Variants in CTNNA2 observed in about 807,000 individuals in gnomAD.
The protein encoded by CTNNA2 is catenin alpha-2.
Under a neutral mutation model 101.0 loss-of-function variants are expected in CTNNA2, and 42 were observed. The ratio of observed to expected loss-of-function variants is 0.42; its 90% CI spans 0.32 to 0.54. The LOEUF (loss-of-function observed/expected upper bound fraction) is 0.54. Among genes scored for constraint, CTNNA2 ranks in the 20% least tolerant of loss-of-function variants. The pLI is 0.14. For missense variants in CTNNA2, 871 were observed against 1,223.1 expected (o/e 0.71, Z 4.29); for synonymous variants, 450 against 456.4 (o/e 0.99, Z 0.18).
rs1673733019 is a variant in CTNNA2 at position 80,274,393 on chromosome 2, A to T, written c.1057-118818A>T. ...CTGGAGCTCCCACGTTATTCCCAGGATCTGGGAAGACATTAAGATAATTAA... is the reference window on the plus strand; with the variant it reads ...CTGGAGCTCCCACGTTATTCCCAGGTTCTGGGAAGACATTAAGATAATTAA... On this transcript the variant is annotated intron_variant, in intron 7 of 18. Coordinates refer to ENST00000402739, the MANE Select transcript of CTNNA2 (RefSeq NM_001282597.3). 2.6e-5 allele frequency among the ~76,000 whole-genome samples: 4 copies of T among 152,150 alleles called. 1 individual carries two copies. In the South Asian group the frequency reaches 8.3e-4, roughly 31 times the overall value.
chr2:79,279,265 C>T (rs890767495), intron 2 of CTNNA2, among the ~76,000 whole-genome samples: 9 of 151,940 alleles, frequency 5.9e-5, no homozygotes, highest in African/African-American at 1.2e-4. Context: ...TGTGTGCCCT[C>T]GCATAGAAAA....
At chr2:80,043,692 TATG>T (rs1231933082) in intron 7 of CTNNA2, among the ~76,000 whole-genome samples, 1 of 152,228 alleles carries the variant, frequency 6.6e-6, no homozygotes, top group African/African-American at 2.4e-5. Context: ...GAGAATTGAA[TATG>T]ATGTCATACA....
In CTNNA2 at chr2:80,459,525, T is replaced by G. The variant is rs74338337; in HGVS notation, c.1290+39924T>G. 1.1e-4 allele frequency among the ~76,000 whole-genome samples: 16 copies of G among 152,186 alleles called. No homozygotes were observed. In the East Asian group the frequency reaches 1.2e-3, roughly 11 times the overall value. On this transcript the variant is annotated intron_variant, in intron 9 of 18. Transcript: ENST00000402739. ...TCTTAAGGTGATTGCACAGATAACA[T>G]GGGCCCAGGCAGAAGCCAGGGAAAA...
chr2:79,357,409 G>T (rs1354804635), intron 3 of CTNNA2, among the ~76,000 whole-genome samples: 3 of 152,108 alleles, frequency 2.0e-5, no homozygotes, highest in Non-Finnish European at 2.9e-5. Context: ...CTGGAAAATA[G>T]ATCAGTAGAA....
chr2:79,649,683 C>A (rs779623442), intron 1 of CTNNA2, among the ~76,000 whole-genome samples: 7 of 152,160 alleles, frequency 4.6e-5, no homozygotes, highest in African/African-American at 1.7e-4. Context: ...GGAGGACAGG[C>A]AGCATGTCGG....
intron 7 of CTNNA2, among the ~76,000 whole-genome samples, chr2:80,152,233 A>G (rs1046040385): frequency 6.6e-6 from 1 of 152,154 alleles, no homozygotes; most frequent in Non-Finnish European, 1.5e-5. Context: ...TTTTCAGTGG[A>G]GACCCAGAAC....
intron 9 of CTNNA2, among the ~76,000 whole-genome samples, chr2:80,426,609 T>A (rs945753670): frequency 1.3e-5 from 2 of 152,090 alleles, no homozygotes; most frequent in Non-Finnish European, 2.9e-5. Flanking sequence ...ATCATATAAT[T>A]TCCCTGCCTG....
intron 3 of CTNNA2, among the ~76,000 whole-genome samples, chr2:79,829,813 G>A (rs1678782153): frequency 6.6e-6 from 1 of 151,642 alleles, no homozygotes; most frequent in African/African-American, 2.4e-5. Flanking sequence ...TCCGCCTCCC[G>A]GGTTCACGCC....
chr2:80,216,983 G>A (rs746998205), intron 7 of CTNNA2, among the ~76,000 whole-genome samples: 26 of 151,666 alleles, frequency 1.7e-4, no homozygotes, highest in Admixed American at 7.9e-4. Context: ...GACTACAGGC[G>A]TACACCACCA....
At chr2:80,084,263 C>A (rs2148809774) in intron 7 of CTNNA2, among the ~76,000 whole-genome samples, 1 of 152,270 alleles carries the variant, frequency 6.6e-6, no homozygotes, top group Middle Eastern at 3.4e-3. Context: ...CTCTAGTAAT[C>A]ATCTGGTAGA....
chr2:79,922,497 T>A (rs1686733748), intron 7 of CTNNA2, among the ~76,000 whole-genome samples: 1 of 152,184 alleles, frequency 6.6e-6, no homozygotes, highest in South Asian at 2.1e-4. Context: ...GCTGATTCTC[T>A]GACCTTCTCT....
chr2:80,177,026 A>C (rs1705435927), intron 7 of CTNNA2, among the ~76,000 whole-genome samples: 3 of 152,072 alleles, frequency 2.0e-5, no homozygotes, highest in Admixed American at 2.0e-4. Flanking sequence ...CTTCTAGAGA[A>C]CTTTGTCCCA....
At chr2:79,889,206 C>G (rs995034791) in intron 6 of CTNNA2, among the ~76,000 whole-genome samples, 1 of 152,132 alleles carries the variant, frequency 6.6e-6, no homozygotes, top group Non-Finnish European at 1.5e-5. Context: ...ACACGTGCAA[C>G]AACTGCACGT....
At chr2:79,302,988 A>G (rs1676148237) in intron 2 of CTNNA2, among the ~76,000 whole-genome samples, 1 of 152,236 alleles carries the variant, frequency 6.6e-6, no homozygotes, top group Admixed American at 6.5e-5. Context: ...AAACATAATT[A>G]GTAAAGCAAG....
rs191321172 is a variant in CTNNA2, at chr2:80,308,161, T to C, written c.1057-85050T>C. Among the ~76,000 whole-genome samples, 814 of 152,222 alleles carry C rather than the reference T, an allele frequency of 5.3e-3. 10 individuals carry two copies. The highest frequency in any genetic ancestry group is 0.018 in the African/African-American group (740 of 41,544). The stretch of plus-strand genomic sequence containing the variant: ...GAGTGGGGGAGTAACATACAATTTT[T>C]TTTTTGGTATGTCATTACTTCTGTT... On this transcript the variant is annotated intron_variant, in intron 7 of 18. Transcript: ENST00000402739.
At chr2:79,827,357 G>C (rs1371813752) in intron 3 of CTNNA2, among the ~76,000 whole-genome samples, 1 of 152,094 alleles carries the variant, frequency 6.6e-6, no homozygotes, top group Non-Finnish European at 1.5e-5. Context: ...TTTTTAAAAG[G>C]CAAATAATTA....
intron 7 of CTNNA2, among the ~76,000 whole-genome samples, chr2:80,278,177 T>C (rs1259535292): frequency 1.3e-5 from 2 of 152,120 alleles, no homozygotes; most frequent in African/African-American, 2.4e-5. Context: ...TGTGAAGTAA[T>C]GTAGGCAAAG....
At chr2:79,924,506 A>T (rs961625041) in intron 7 of CTNNA2, among the ~76,000 whole-genome samples, 1 of 152,142 alleles carries the variant, frequency 6.6e-6, no homozygotes, top group African/African-American at 2.4e-5. Context: ...TTCAGAAAAG[A>T]GCAGTGATAA....
intron 9 of CTNNA2, among the ~76,000 whole-genome samples, chr2:80,425,941 G>T (rs182642883): frequency 2.6e-5 from 4 of 152,206 alleles, no homozygotes; most frequent in Admixed American, 2.0e-4. Context: ...TTTTGTTGTT[G>T]TTGTTGTTGT....
Sources: gnomAD v4.1 joint callset for allele counts (sites outside exome capture counted in the v4.1 genomes callset) on GRCh38, gnomAD v4.1.1 for gene constraint, MANE v1.5 for transcripts, NCBI Gene and HGNC (gene_info 2026-07-23, HGNC 2026-07-21) for gene names.